CLDN1: variants seen among roughly 807,000 people sequenced by gnomAD.
CLDN1 encodes claudin 1.
Under a neutral mutation model 22.6 loss-of-function variants are expected in CLDN1, and 12 were observed. The ratio of observed to expected loss-of-function variants is 0.53; its 90% CI spans 0.34 to 0.86. CLDN1 has a LOEUF of 0.86. Ranked by LOEUF, CLDN1 falls within the 40% of genes least tolerant of loss-of-function variation. The pLI is 0.02. For missense variants in CLDN1, 250 were observed against 269.5 expected, an observed-to-expected ratio of 0.93 and a Z score of 0.51; for synonymous variants, 99 against 103.8, an observed-to-expected ratio of 0.95 and a Z score of 0.28.
In CLDN1 at chr3:190,322,346, C is replaced by A; in HGVS notation, c.-140G>T. On this transcript the variant is annotated 5_prime_UTR_variant, in exon 1 of 4. Coordinates refer to ENST00000295522, the MANE Select transcript of CLDN1 (RefSeq NM_021101.5). ...CGGGGAGCCCTGCTCGCTGCGCCGC[C>A]GCTGGAGAAGCTCTGGGTCGGGGTT... 1.3e-6 allele frequency: 1 copy of A among 783,388 alleles called. No individual in the cohort carries two copies. Among genetic ancestry groups the A allele is most frequent in the Non-Finnish European group, 2.1e-6 (1 of 469,994 alleles). 48.5% of individuals were successfully genotyped at this position (783,388 alleles called of 1,614,324 possible).
At chr3:190,310,374 T>A (rs1306591660) in intron 2 of CLDN1, 121 bp from the exon 3 acceptor site, 5 of 714,832 alleles carry the variant, frequency 7.0e-6, no homozygotes, top group Non-Finnish European at 9.8e-6. Flanking sequence ...TTGACATTTT[T>A]ATTTTGGTAT....
rs533586709 is a variant in CLDN1 at position 190,307,615 on chromosome 3, A to C, written c.*662T>G. Reference sequence around the variant, plus strand: ...GGCTATGAAATGTGTTAGATTCAGGAGATAGAGACCAATGAAACACAAAAC... The same window carrying C: ...GGCTATGAAATGTGTTAGATTCAGGCGATAGAGACCAATGAAACACAAAAC... On this transcript the variant is annotated 3_prime_UTR_variant, in exon 4 of 4. Transcript: ENST00000295522. 1 of 152,320 alleles carries C rather than the reference A, an allele frequency of 6.6e-6. No individual in the cohort carries two copies. The highest frequency in any genetic ancestry group is 6.5e-5 in the Admixed American group (1 of 15,284). 9.4% of individuals were successfully genotyped at this position (152,320 alleles called of 1,614,324 possible).
intron 1 of CLDN1, among the ~76,000 whole-genome samples, chr3:190,313,820 A>T (rs1432698297): frequency 6.6e-6 from 1 of 152,144 alleles, no homozygotes; most frequent in Non-Finnish European, 1.5e-5. Flanking sequence ...TTTTTGGTGT[A>T]CTAACTCATG....
Position 190,306,041 on chromosome 3 carries a change from A to G in CLDN1, c.*2236T>C, listed in dbSNP as rs1716442114. 1 of 152,246 alleles carries G rather than the reference A, an allele frequency of 6.6e-6. No homozygotes were observed. The highest frequency in any genetic ancestry group is 1.5e-5 in the Non-Finnish European group (1 of 68,040). 9.4% of individuals were successfully genotyped at this position (152,246 alleles called of 1,614,324 possible). On this transcript the variant is annotated 3_prime_UTR_variant, in exon 4 of 4. Coordinates refer to ENST00000295522, the MANE Select transcript of CLDN1 (RefSeq NM_021101.5). ...AAATTTATTAGGTCCAATTCCTCAT[A>G]AGACACAGTGGCTGACTTTCCTTGT...
chr3:190,312,724 T>G, intron 2 of CLDN1, 148 bp downstream of exon 2: 1 of 847,016 alleles, frequency 1.2e-6, no homozygotes, highest in Non-Finnish European at 1.9e-6. Flanking sequence ...AGTTTGTGTT[T>G]GAGAACATGA....
At chr3:190,320,835 A>C (rs1668251059) in intron 1 of CLDN1, among the ~76,000 whole-genome samples, 1 of 152,212 alleles carries the variant, frequency 6.6e-6, no homozygotes, top group Admixed American at 6.5e-5. Context: ...TAAAGGGCAT[A>C]ACAGACACAT....
chr3:190,311,331 G>T lies in CLDN1; in HGVS notation c.389-1078C>A, dbSNP rs140336055. On this transcript the variant is annotated intron_variant, in intron 2 of 3. Coordinates refer to ENST00000295522, the MANE Select transcript of CLDN1 (RefSeq NM_021101.5). ...ACAAAGATTACTATTCGCAGCCTTT[G>T]ATATAAGAGTAAATTATTGGGAATA... Among the ~76,000 whole-genome samples, 519 of 152,300 alleles carry T rather than the reference G, an allele frequency of 3.4e-3. 1 individual carries two copies. The highest frequency in any genetic ancestry group is 0.012 in the African/African-American group (490 of 41,572).
At chr3:190,310,421 G>A (rs536268074) in intron 2 of CLDN1, among the ~76,000 whole-genome samples, 168 bp from the exon 3 acceptor site, 5 of 152,014 alleles carry the variant, frequency 3.3e-5, no homozygotes, top group Admixed American at 1.3e-4. Flanking sequence ...TTTATTCCAA[G>A]TATCTATTAA....
Position 190,306,360 on chromosome 3 carries a change from CT to C in CLDN1, c.*1916del, listed in dbSNP as rs1419043346. The C allele has an allele frequency of 2.6e-5, 4 of 152,350 alleles. No homozygotes were observed. In the East Asian group the frequency reaches 7.7e-4, roughly 29 times the overall value. The allele number at this position is 152,350 out of a possible 1,614,324, so 9.4% of individuals were successfully genotyped here. On this transcript the variant is annotated 3_prime_UTR_variant, in exon 4 of 4. Transcript: ENST00000295522. ...CTTCACTGTCTCATCACTTGAGAGA[CT>C]GGTTAAGGCAAGAAACCCATTTCTT...
In CLDN1 at chr3:190,307,606, A is replaced by C. The variant is rs1417245082; in HGVS notation, c.*671T>G. 6.6e-6 allele frequency: 1 copy of C among 152,234 alleles called. No homozygotes were observed. The highest frequency in any genetic ancestry group is 6.6e-5 in the Admixed American group (1 of 15,260). The allele number at this position is 152,234 out of a possible 1,614,324, so 9.4% of individuals were successfully genotyped here. On this transcript the variant is annotated 3_prime_UTR_variant, in exon 4 of 4. Transcript: ENST00000295522. The stretch of plus-strand genomic sequence containing the variant: ...TAAAATGTAGGCTATGAAATGTGTT[A>C]GATTCAGGAGATAGAGACCAATGAA...
In CLDN1 at chr3:190,308,858, T is replaced by G. The variant is rs76360803; in HGVS notation, c.474-419A>C. Among the ~76,000 whole-genome samples, 165 of 152,300 alleles carry G rather than the reference T, an allele frequency of 1.1e-3. 3 individuals carry two copies. The East Asian group carries it at 0.027, about 25-fold the overall frequency. On this transcript the variant is annotated intron_variant, in intron 3 of 3. Transcript: ENST00000295522. ...GAGCATAATGGAGATAATCAGAGCT[T>G]TGAACAGATGATCCATTGGTCCCAG...
chr3:190,321,910 A>G (rs1716931702), intron 1 of CLDN1, 74 bp downstream of exon 1: 2 of 1,089,840 alleles, frequency 1.8e-6, no homozygotes, highest in Admixed American at 3.4e-5. Context: ...ATCACACAAC[A>G]GAATGAGCCC....
chr3:190,314,390 A>G (rs1716707757), intron 1 of CLDN1, among the ~76,000 whole-genome samples: 1 of 152,046 alleles, frequency 6.6e-6, no homozygotes, highest in Non-Finnish European at 1.5e-5. Flanking sequence ...AAATTATAGT[A>G]ATCTCTTTAT....
intron 1 of CLDN1, among the ~76,000 whole-genome samples, chr3:190,316,309 T>C (rs1716766417): frequency 6.6e-6 from 1 of 152,256 alleles, no homozygotes. Context: ...TATTTGTATG[T>C]TCCAATATTA....
chr3:190,320,959 T>C (rs1716900975), intron 1 of CLDN1, among the ~76,000 whole-genome samples: 1 of 146,024 alleles, frequency 6.8e-6, no homozygotes, highest in African/African-American at 2.6e-5. Context: ...AAACCTTTAA[T>C]TTAAAAAACA....
chr3:190,309,302 C>G (rs1336305674), intron 3 of CLDN1, among the ~76,000 whole-genome samples: 5 of 152,182 alleles, frequency 3.3e-5, no homozygotes, highest in Non-Finnish European at 7.4e-5. Context: ...TTTTAGCCTA[C>G]TGACCTCTAG....
chr3:190,322,285 C>G lies in CLDN1; in HGVS notation c.-79G>C, dbSNP rs1436262938. 3.9e-6 allele frequency: 5 copies of G among 1,287,700 alleles called. No homozygotes were observed. In the Admixed American group the frequency reaches 7.3e-5, roughly 19 times the overall value. The allele number at this position is 1,287,700 out of a possible 1,614,324, so 79.8% of individuals were successfully genotyped here. A position where few individuals can be genotyped will look rare whatever the true frequency, so the allele number is the denominator to read the frequency against. On this transcript the variant is annotated 5_prime_UTR_variant, in exon 1 of 4. Transcript: ENST00000295522. The stretch of plus-strand genomic sequence containing the variant: ...AGTTTGCAGGTGGGCAACCCGGACT[C>G]CCGAAGGTGGCTGGGCCCCGCGGAG...
intron 2 of CLDN1, among the ~76,000 whole-genome samples, chr3:190,311,516 G>A (rs538936991): frequency 3.0e-4 from 45 of 152,032 alleles, no homozygotes; most frequent in Admixed American, 2.4e-3. Flanking sequence ...GCCCCTACAA[G>A]TCTTCTGTCA....
In CLDN1 at chr3:190,308,158, T is replaced by A; in HGVS notation, c.*119A>T. 1 of 1,208,432 alleles carries A rather than the reference T, an allele frequency of 8.3e-7. No individual in the cohort carries two copies. The highest frequency in any genetic ancestry group is 1.2e-6 in the Non-Finnish European group (1 of 817,648). The allele number at this position is 1,208,432 out of a possible 1,614,324, so 74.9% of individuals were successfully genotyped here. ...ATGGGTTTTTTGTTTGTTTGTTTGT[T>A]TTGTAATACCATACTTCAGATTACA... is the stretch of plus-strand genomic sequence containing the variant. On this transcript the variant is annotated 3_prime_UTR_variant, in exon 4 of 4. Transcript: ENST00000295522.
Sources: gnomAD v4.1 joint callset for allele counts (sites outside exome capture counted in the v4.1 genomes callset) on GRCh38, gnomAD v4.1.1 for gene constraint, MANE v1.5 for transcripts, NCBI Gene and HGNC (gene_info 2026-07-23, HGNC 2026-07-21) for gene names.